The following PRKCA variants were observed in gnomAD, a reference collection of about 807,000 sequenced individuals.
PRKCA encodes protein kinase C alpha type.
Under a neutral mutation model 87.0 loss-of-function variants are expected in PRKCA, and 27 were observed. The observed-to-expected ratio is 0.31, with a 90% confidence interval of 0.23 to 0.43. The LOEUF (loss-of-function observed/expected upper bound fraction) is 0.43, where lower values mean the gene tolerates loss of function less well. PRKCA is among the 20% of genes least tolerant of loss of function. The pLI is 1.00. For synonymous variants in PRKCA, 329 were observed against 311.1 expected (o/e 1.06, Z -0.61); for missense variants, 518 against 852.3 (o/e 0.61, Z 4.88).
intron 8 of PRKCA, among the ~76,000 whole-genome samples, chr17:66,694,969 G>A (rs1296667915): frequency 6.6e-6 from 1 of 152,048 alleles, no homozygotes; most frequent in Non-Finnish European, 1.5e-5. Context: ...CCTTGGAGTT[G>A]TCCTAGAATC....
chr17:66,595,463 CT>C (rs374376124), intron 3 of PRKCA, among the ~76,000 whole-genome samples: 25,819 of 116,412 alleles, frequency 0.22, 2,661 homozygotes, highest in African/African-American at 0.34. Flanking sequence ...TCTTTTCCTT[CT>C]TTTTTTTTTT....
intron 5 of PRKCA, among the ~76,000 whole-genome samples, chr17:66,686,217 C>A (rs953896512): frequency 2.0e-5 from 3 of 152,176 alleles, no homozygotes; most frequent in African/African-American, 7.2e-5. Flanking sequence ...TCTGCCAGCT[C>A]TTAAATCTTT....
chr17:66,744,645 T>C (rs1209635728), intron 13 of PRKCA, among the ~76,000 whole-genome samples: 4 of 152,226 alleles, frequency 2.6e-5, no homozygotes, highest in Admixed American at 1.3e-4. Context: ...TTTTTTGTTG[T>C]TGCGGTTCGG....
chr17:66,440,769 G>A lies in PRKCA; in HGVS notation c.206-55432G>A, dbSNP rs551107801. Among the ~76,000 whole-genome samples the A allele has an allele frequency of 1.5e-4, 23 of 152,156 alleles. No homozygotes were observed. In the East Asian group the frequency reaches 4.1e-3, roughly 27 times the overall value. On this transcript the variant is annotated intron_variant, in intron 2 of 16. Coordinates refer to ENST00000413366, the MANE Select transcript of PRKCA (RefSeq NM_002737.3). ...GGTTGGGCATGATGACTCAGGCCGG[G>A]AACCCCAGCACTTTGGGAGGCTGAG...
At chr17:66,530,849 G>A (rs1168937294) in intron 3 of PRKCA, among the ~76,000 whole-genome samples, 1 of 149,830 alleles carries the variant, frequency 6.7e-6, no homozygotes, top group East Asian at 1.9e-4. Context: ...GCAAGTGGTG[G>A]AGGATCTAAA....
intron 2 of PRKCA, chr17:66,403,636 AATGTTG>A (rs1198603004): frequency 6.6e-6 from 1 of 152,188 alleles, no homozygotes; most frequent in Non-Finnish European, 1.5e-5. Flanking sequence ...CAGGAGGGCA[AATGTTG>A]ATGTAGGGAT....
chr17:66,561,533 A>G (rs1444763663), intron 3 of PRKCA, among the ~76,000 whole-genome samples: 1 of 152,192 alleles, frequency 6.6e-6, no homozygotes, highest in Admixed American at 6.5e-5. Flanking sequence ...CTTAGAAATA[A>G]GGTGTATGAT....
intron 8 of PRKCA, among the ~76,000 whole-genome samples, chr17:66,722,153 G>C (rs1441310384): frequency 2.0e-5 from 3 of 152,048 alleles, no homozygotes; most frequent in Non-Finnish European, 4.4e-5. Context: ...CTATTTTTAT[G>C]GTCTGTCTGA....
chr17:66,727,708 G>T (rs1395413760), intron 8 of PRKCA, among the ~76,000 whole-genome samples: 2 of 152,162 alleles, frequency 1.3e-5, no homozygotes, highest in Non-Finnish European at 2.9e-5. Context: ...TAGCAGTTGA[G>T]CTGGGACCTG....
At chr17:66,441,622 A>G (rs1913765315) in intron 2 of PRKCA, among the ~76,000 whole-genome samples, 1 of 152,026 alleles carries the variant, frequency 6.6e-6, no homozygotes, top group African/African-American at 2.4e-5. Context: ...ACGTCTGTGC[A>G]CCTCCTCTGA....
chr17:66,609,459 G>A (rs901004638), intron 3 of PRKCA, among the ~76,000 whole-genome samples: 1 of 152,184 alleles, frequency 6.6e-6, no homozygotes, highest in Non-Finnish European at 1.5e-5. Flanking sequence ...TAAAACAATG[G>A]TACTGTGACT....
At chr17:66,479,869 G>A (rs1915701801) in intron 2 of PRKCA, among the ~76,000 whole-genome samples, 1 of 152,070 alleles carries the variant, frequency 6.6e-6, no homozygotes, top group African/African-American at 2.4e-5. Context: ...TGGAGGGTGA[G>A]AAGAGGGAGA....
chr17:66,673,008 T>A (rs1397132711), intron 5 of PRKCA, among the ~76,000 whole-genome samples: 1 of 152,204 alleles, frequency 6.6e-6, no homozygotes, highest in Admixed American at 6.5e-5. Flanking sequence ...CCGTTACTCC[T>A]ATAATAAGAA....
At chr17:66,751,272 G>A (rs1039224853) in intron 13 of PRKCA, among the ~76,000 whole-genome samples, 1 of 152,190 alleles carries the variant, frequency 6.6e-6, no homozygotes, top group Non-Finnish European at 1.5e-5. Context: ...AAGGTAAGTG[G>A]TATTATTCAT....
chr17:66,543,069 C>T (rs903701718), intron 3 of PRKCA, among the ~76,000 whole-genome samples: 1 of 152,208 alleles, frequency 6.6e-6, no homozygotes, highest in Non-Finnish European at 1.5e-5. Flanking sequence ...TCCGTAATTT[C>T]TATCCTTGTT....
chr17:66,624,803 T>C (rs998688470), intron 3 of PRKCA, among the ~76,000 whole-genome samples: 10 of 150,482 alleles, frequency 6.6e-5, no homozygotes, highest in African/African-American at 2.2e-4. Context: ...AATAAATAAA[T>C]AAATAAATAA....
At chr17:66,476,750 A>G (rs193237702) in intron 2 of PRKCA, among the ~76,000 whole-genome samples, 15 of 152,280 alleles carry the variant, frequency 9.9e-5, no homozygotes, top group African/African-American at 3.4e-4. Flanking sequence ...CTTCATTTAA[A>G]AATACGCCAC....
intron 13 of PRKCA, among the ~76,000 whole-genome samples, chr17:66,750,963 G>T (rs1277105093): frequency 6.6e-6 from 1 of 152,228 alleles, no homozygotes; most frequent in African/African-American, 2.4e-5. Flanking sequence ...ACATGTGCCA[G>T]TAAGCTGCTC....
chr17:66,434,715 G>A (rs1329082838), intron 2 of PRKCA, among the ~76,000 whole-genome samples: 1 of 152,082 alleles, frequency 6.6e-6, no homozygotes, highest in Non-Finnish European at 1.5e-5. Flanking sequence ...TTGGTTCCTC[G>A]GCTTGTTAGC....
Sources: gnomAD v4.1 joint callset for allele counts (sites outside exome capture counted in the v4.1 genomes callset) on GRCh38, gnomAD v4.1.1 for gene constraint, MANE v1.5 for transcripts, NCBI Gene and HGNC (gene_info 2026-07-23, HGNC 2026-07-21) for gene names.